RCC1L: variants seen among roughly 807,000 people sequenced by gnomAD.
RCC1L encodes the protein RCC1 like.
Under a neutral mutation model 58.6 loss-of-function variants are expected in RCC1L, and 46 were observed. The observed-to-expected ratio is 0.79, with a 90% CI of 0.62 to 1.00. The LOEUF is 1.00. Among genes scored for constraint, RCC1L ranks in the 50% least tolerant of loss-of-function variants. RCC1L has a pLI of 0.00. For synonymous variants in RCC1L, 281 were observed against 262.9 expected (o/e 1.07, Z -0.67); for missense variants, 636 against 623.6 (o/e 1.02, Z -0.21).
rs1258719497 is a variant in RCC1L, at chr7:75,073,706, C to T, written c.32G>A (p.Arg11Gln). The T allele has an allele frequency of 2.6e-6, 4 of 1,510,976 alleles. No individual in the cohort carries two copies. Among genetic ancestry groups the T allele is most frequent in the Non-Finnish European group, 3.5e-6 (4 of 1,136,272 alleles). The allele number at this position is 1,510,976 out of a possible 1,614,324, so 93.6% of individuals were successfully genotyped here. Residue 11 changes from arginine (R) to glutamine (Q), a missense_variant, in exon 1 of 11, where the codon CGG becomes CAG. Transcript: ENST00000610322. ...CGGCCCGCTCAGCCGCCGCCCCAGCCGAGCCCCAGCCACCAACGCCACCAG... is the reference window on the plus strand; with the variant it reads ...CGGCCCGCTCAGCCGCCGCCCCAGCTGAGCCCCAGCCACCAACGCCACCAG... MALVALVAGA[R>Q]LGRRLSGPGL...
chr7:75,058,022 G>A (rs1806135474), intron 7 of RCC1L: 1 of 303,966 alleles, frequency 3.3e-6, no homozygotes, highest in African/African-American at 2.3e-5. Flanking sequence ...GCTGGGCGTG[G>A]TGGCAAGTGC....
chr7:75,042,741 C>T lies in RCC1L; in HGVS notation c.*291G>A. The T allele has an allele frequency of 7.4e-7, 1 of 1,352,920 alleles. No individual in the cohort carries two copies. The highest frequency in any genetic ancestry group is 9.6e-7 in the Non-Finnish European group (1 of 1,044,688). 83.8% of individuals were successfully genotyped at this position (1,352,920 alleles called of 1,614,324 possible). Reference sequence around the variant, plus strand: ...GGGCTTCTCAGGCGAGACGTGACACCAGACACCGTCGCATGTTACTTGGAG... The same window carrying T: ...GGGCTTCTCAGGCGAGACGTGACACTAGACACCGTCGCATGTTACTTGGAG... On this transcript the variant is annotated 3_prime_UTR_variant, in exon 11 of 11. Coordinates refer to ENST00000610322, the MANE Select transcript of RCC1L (RefSeq NM_030798.5).
intron 2 of RCC1L, among the ~76,000 whole-genome samples, chr7:75,068,007 T>C (rs1806565373): frequency 6.6e-6 from 1 of 151,842 alleles, no homozygotes. Context: ...CTAAAATTGC[T>C]CTGAATAAAA....
In RCC1L at chr7:75,073,687, G is replaced by T; in HGVS notation, c.51C>A (p.Ser17Arg). 6.6e-7 allele frequency: 1 copy of T among 1,504,564 alleles called. No individual in the cohort carries two copies. The highest frequency in any genetic ancestry group is 8.8e-7 in the Non-Finnish European group (1 of 1,132,978). 93.2% of individuals were successfully genotyped at this position (1,504,564 alleles called of 1,614,324 possible). A position where few individuals can be genotyped will look rare whatever the true frequency, so the allele number is the denominator to read the frequency against. The change falls in exon 1 of 11, where the codon AGC becomes AGA. Residue 17 changes from serine (S) to arginine (R), a missense_variant. Coordinates refer to ENST00000610322, the MANE Select transcript of RCC1L (RefSeq NM_030798.5). Reference protein sequence around the residue: ...VAGARLGRRLSGPGLGRGHWT... With the variant: ...VAGARLGRRLRGPGLGRGHWT... ...AGTGCCCTCGCCCCAGCCCCGGCCCGCTCAGCCGCCGCCCCAGCCGAGCCC... is the reference window on the plus strand; with the variant it reads ...AGTGCCCTCGCCCCAGCCCCGGCCCTCTCAGCCGCCGCCCCAGCCGAGCCC...
intron 10 of RCC1L, chr7:75,028,180 T>C: frequency 8.8e-7 from 1 of 1,138,206 alleles, no homozygotes; most frequent in Non-Finnish European, 1.2e-6. Flanking sequence ...TGCTGTGGCA[T>C]GATCTCAGCT....
Position 75,042,364 on chromosome 7 carries a change from A to T in RCC1L, c.*668T>A. The T allele has an allele frequency of 1.0e-6, 1 of 985,704 alleles. No homozygotes were observed. Among genetic ancestry groups the T allele is most frequent in the Non-Finnish European group, 1.2e-6 (1 of 830,150 alleles). 61.1% of individuals were successfully genotyped at this position (985,704 alleles called of 1,614,324 possible). A position where few individuals can be genotyped will look rare whatever the true frequency, so the allele number is the denominator to read the frequency against. ...ATGCTCGGGGCCCTCGGCGCAGAGG[A>T]ACTTGGCCTCGATTCTCTTCCTGAG... On this transcript the variant is annotated 3_prime_UTR_variant, in exon 11 of 11. Transcript: ENST00000610322.
intron 10 of RCC1L, among the ~76,000 whole-genome samples, chr7:75,047,713 T>A (rs1805770935): frequency 6.6e-6 from 1 of 151,366 alleles, no homozygotes; most frequent in Admixed American, 6.6e-5. Flanking sequence ...AGTGGCGCAA[T>A]CTCGGCTCAC....
At chr7:75,038,667 G>A (rs1049119607), downstream of RCC1L, among the ~76,000 whole-genome samples, 1 of 152,106 alleles carries the variant, frequency 6.6e-6, no homozygotes, top group Non-Finnish European at 1.5e-5. Context: ...GACAGCCTGT[G>A]AGCTGGGGCT....
At chr7:75,028,439 T>G (rs1417945550) in intron 10 of RCC1L, among the ~76,000 whole-genome samples, 1 of 152,006 alleles carries the variant, frequency 6.6e-6, no homozygotes, top group East Asian at 1.9e-4. Flanking sequence ...TTTCTAGGGG[T>G]GAGCAGGTGA....
chr7:75,035,275 C>T (rs1164525024), intron 10 of RCC1L, among the ~76,000 whole-genome samples: 10 of 152,184 alleles, frequency 6.6e-5, no homozygotes, highest in Non-Finnish European at 1.5e-4. Flanking sequence ...AAGTGATCCG[C>T]CCGCCTCGGC....
chr7:75,035,671 A>G (rs1278390712), intron 10 of RCC1L, among the ~76,000 whole-genome samples: 11 of 152,218 alleles, frequency 7.2e-5, no homozygotes, highest in African/African-American at 2.6e-4. Context: ...ATGTCCAGCA[A>G]CTGATGAATA....
At chr7:75,048,791 G>A (rs908085950) in intron 10 of RCC1L, among the ~76,000 whole-genome samples, 2 of 152,228 alleles carry the variant, frequency 1.3e-5, no homozygotes, top group Non-Finnish European at 2.9e-5. Flanking sequence ...GTGCCACTGC[G>A]TGCTGCCTTC....
At chr7:75,057,758 T>C in intron 7 of RCC1L, 142 bp from the exon 8 acceptor site, 1 of 780,780 alleles carries the variant, frequency 1.3e-6, no homozygotes, top group Non-Finnish European at 2.3e-6. Flanking sequence ...ATGCCAAGCA[T>C]CATACTAGGT....
chr7:75,042,891 A>T lies in RCC1L; in HGVS notation c.*141T>A. ...CCTCCTGGTAGGTACCCGCTAAGGG[A>T]TTCAGGACAGAGCGTCACACTGCAC... On this transcript the variant is annotated 3_prime_UTR_variant, in exon 11 of 11. Transcript: ENST00000610322. 6.6e-7 allele frequency: 1 copy of T among 1,509,660 alleles called. No individual in the cohort carries two copies. The highest frequency in any genetic ancestry group is 8.9e-7 in the Non-Finnish European group (1 of 1,123,986). The allele number at this position is 1,509,660 out of a possible 1,614,324, so 93.5% of individuals were successfully genotyped here.
At position 75,064,619 on chromosome 7, in the gene RCC1L, G is replaced by A; in HGVS notation, c.613C>T (p.Gln205Ter). Residue 205 changes from glutamine (Q) to a stop codon, truncating the protein, a stop_gained, in exon 4 of 11, where the codon CAA (glutamine) becomes TAA (stop). Transcript: ENST00000610322. LOFTEE classifies it high-confidence loss of function. ...VFSMGNNSYG[Q>*]CGRKVVENEI... The stretch of plus-strand genomic sequence containing the variant: ...TTTTCGACCACCTTTCTTCCACATT[G>A]CCCATAAGAATTGTTTCCCATGCTG... 1 of 1,613,792 alleles carries A rather than the reference G, an allele frequency of 6.2e-7. No individual in the cohort carries two copies. The highest frequency in any genetic ancestry group is 1.1e-5 in the South Asian group (1 of 91,064).
intron 6 of RCC1L, among the ~76,000 whole-genome samples, chr7:75,059,789 C>T (rs899640142): frequency 6.6e-6 from 1 of 152,048 alleles, no homozygotes; most frequent in South Asian, 2.1e-4. Context: ...TCCCCAACAC[C>T]ACTCCCAAAA....
intron 10 of RCC1L, among the ~76,000 whole-genome samples, chr7:75,051,168 T>C: frequency 7.0e-6 from 1 of 143,866 alleles, no homozygotes; most frequent in South Asian, 2.2e-4. Flanking sequence ...CCACCGATAG[T>C]CTTGGAAAAA....
rs1806126203 is a variant in RCC1L at position 75,057,705 on chromosome 7, C to A, written c.970-89G>T. The A allele has an allele frequency of 2.6e-6, 3 of 1,157,962 alleles. No homozygotes were observed. The Admixed American group carries it at 5.4e-5, about 21-fold the overall frequency. The allele number at this position is 1,157,962 out of a possible 1,614,324, so 71.7% of individuals were successfully genotyped here. ...GGTCTTAGGTACAGAGTAGCTGAGTCCTAGTTCATTCATTCACTCCACAGA... is the reference window on the plus strand; with the variant it reads ...GGTCTTAGGTACAGAGTAGCTGAGTACTAGTTCATTCATTCACTCCACAGA... On this transcript the variant is annotated intron_variant, in intron 7 of 10. Transcript: ENST00000610322.
At chr7:75,033,071 C>CA (rs71098024) in intron 10 of RCC1L, among the ~76,000 whole-genome samples, 31,087 of 70,108 alleles carry the variant, frequency 0.44, 6,741 homozygotes, top group East Asian at 0.78. Flanking sequence ...GACTTTGTCT[C>CA]AAAAAAAAAA....
Sources: gnomAD v4.1 joint callset for allele counts (sites outside exome capture counted in the v4.1 genomes callset) on GRCh38, gnomAD v4.1.1 for gene constraint, MANE v1.5 for transcripts, NCBI Gene and HGNC (gene_info 2026-07-23, HGNC 2026-07-21) for gene names.